SEL1L3: variants seen among roughly 807,000 people sequenced by gnomAD.
SEL1L3 encodes protein sel-1 homolog 3.
In SEL1L3, 76 loss-of-function variants were observed where a neutral mutation model predicts 142.8. That is an observed-to-expected ratio of 0.53 (90% confidence interval 0.44 to 0.64). The LOEUF (loss-of-function observed/expected upper bound fraction) is 0.64. Among genes scored for constraint, SEL1L3 ranks in the 30% least tolerant of loss-of-function variants. The pLI is 0.00. For synonymous variants in SEL1L3, 504 were observed against 519.6 expected (o/e 0.97, Z 0.41); for missense variants, 1,262 against 1,381.7 (o/e 0.91, Z 1.37).
At chr4:25,849,734 C>A (rs1716761045) in intron 1 of SEL1L3, among the ~76,000 whole-genome samples, 1 of 152,146 alleles carries the variant, frequency 6.6e-6, no homozygotes, top group South Asian at 2.1e-4. Context: ...ACTTTGGTCT[C>A]CTCTGAGGAA....
At chr4:25,730,860 C>G in the SEL1L3 span, among the ~76,000 whole-genome samples, 1 of 152,154 alleles carries the variant, frequency 6.6e-6, no homozygotes, top group Non-Finnish European at 1.5e-5. Flanking sequence ...GAAACCCCAT[C>G]TTGGCTAAAA....
the SEL1L3 span, among the ~76,000 whole-genome samples, chr4:25,730,259 G>A: frequency 6.6e-6 from 1 of 151,988 alleles, no homozygotes; most frequent in Admixed American, 6.6e-5. Context: ...TATTATGTTG[G>A]TAATGGGGTT....
At chr4:25,861,158 GC>G (rs1717682492) in intron 1 of SEL1L3, among the ~76,000 whole-genome samples, 1 of 152,184 alleles carries the variant, frequency 6.6e-6, no homozygotes, top group African/African-American at 2.4e-5. Context: ...AGCCAGCAGG[GC>G]CCTGTGTACA....
intron 12 of SEL1L3, among the ~76,000 whole-genome samples, chr4:25,789,374 G>C (rs1712110618): frequency 6.6e-6 from 1 of 152,052 alleles, no homozygotes; most frequent in African/African-American, 2.4e-5. Context: ...GAGGCCAGGA[G>C]TTCAAAACCA....
intron 1 of SEL1L3, among the ~76,000 whole-genome samples, chr4:25,856,190 T>C (rs920894590): frequency 1.3e-5 from 2 of 152,248 alleles, no homozygotes; most frequent in Non-Finnish European, 2.9e-5. Context: ...CTCGACCCTC[T>C]GCTGAATTCC....
At chr4:25,825,579 A>T (rs1715035343) in intron 6 of SEL1L3, among the ~76,000 whole-genome samples, 1 of 152,070 alleles carries the variant, frequency 6.6e-6, no homozygotes, top group African/African-American at 2.4e-5. Flanking sequence ...TGGTATGAGA[A>T]CTTAGAGCTT....
chr4:25,784,128 G>A, intron 14 of SEL1L3, 100 bp downstream of exon 14: 2 of 1,013,346 alleles, frequency 2.0e-6, no homozygotes, highest in Non-Finnish European at 3.1e-6. Flanking sequence ...CCACCTTAGG[G>A]CTTTGTAGGA....
intron 7 of SEL1L3, among the ~76,000 whole-genome samples, chr4:25,821,158 A>T (rs948246968): frequency 9.9e-5 from 15 of 152,208 alleles, no homozygotes; most frequent in African/African-American, 3.4e-4. Context: ...TGCACAAATG[A>T]CTATTTCATT....
intron 6 of SEL1L3, among the ~76,000 whole-genome samples, chr4:25,829,126 C>A (rs973175590): frequency 6.6e-6 from 1 of 152,186 alleles, no homozygotes; most frequent in East Asian, 1.9e-4. Context: ...GCATGCGCCA[C>A]CACGCTAGGC....
intron 9 of SEL1L3, among the ~76,000 whole-genome samples, chr4:25,807,694 C>T (rs1422207912): frequency 6.6e-6 from 1 of 152,068 alleles, no homozygotes; most frequent in South Asian, 2.1e-4. Context: ...AGACTCCAAA[C>T]CAAATGAAGC....
chr4:25,765,124 A>G (rs1475402246), intron 20 of SEL1L3, among the ~76,000 whole-genome samples: 1 of 152,154 alleles, frequency 6.6e-6, no homozygotes, highest in Non-Finnish European at 1.5e-5. Context: ...TCTCCCAAGT[A>G]GCTGGGACTA....
At chr4:25,745,498 C>A (rs1161030313), downstream of SEL1L3, among the ~76,000 whole-genome samples, 1 of 152,128 alleles carries the variant, frequency 6.6e-6, no homozygotes, top group East Asian at 1.9e-4. Context: ...GGATGCCCTG[C>A]CGTTCAGCAC....
At chr4:25,852,836 G>A (rs902084430) in intron 1 of SEL1L3, among the ~76,000 whole-genome samples, 1 of 152,144 alleles carries the variant, frequency 6.6e-6, no homozygotes, top group Non-Finnish European at 1.5e-5. Flanking sequence ...TTTGAGTAGG[G>A]ATAAGGGGTG....
intron 1 of SEL1L3, among the ~76,000 whole-genome samples, chr4:25,854,312 C>T (rs934684014): frequency 2.0e-5 from 3 of 152,180 alleles, no homozygotes; most frequent in African/African-American, 7.2e-5. Flanking sequence ...GAGTCTCCCT[C>T]TATCGCCCAG....
At chr4:25,797,046 G>C (rs922884930) in intron 11 of SEL1L3, among the ~76,000 whole-genome samples, 2 of 151,228 alleles carry the variant, frequency 1.3e-5, no homozygotes, top group Non-Finnish European at 3.0e-5. Context: ...ACAGGTAGTG[G>C]AGAGAGAAAG....
At chr4:25,785,542 T>G (rs1213742648) in intron 13 of SEL1L3, among the ~76,000 whole-genome samples, 2 of 152,214 alleles carry the variant, frequency 1.3e-5, no homozygotes, top group African/African-American at 4.8e-5. Context: ...TGAATCCAAC[T>G]AAAGGTTAAA....
rs751965395 is a variant in SEL1L3 at position 25,748,489 on chromosome 4, G to A, written c.3335C>T (p.Pro1112Leu). ...ATSTASPAVT[P>L]AADASDQDQP... The stretch of plus-strand genomic sequence containing the variant: ...GTCTTGGTCAGAGGCATCTGCAGCT[G>A]GAGTCACAGCTGGACTTGCAGTGGA... Residue 1112 changes from proline to leucine, a missense_variant, in exon 24 of 24, where the codon CCA (proline) becomes CTA (leucine). Pro to Leu is a moderately conservative substitution (Grantham distance 98, BLOSUM62 -3). Coordinates refer to ENST00000399878, the MANE Select transcript of SEL1L3 (RefSeq NM_015187.5). 31 of 1,611,858 alleles carry A rather than the reference G, an allele frequency of 1.9e-5. No individual in the cohort carries two copies. The highest frequency in any genetic ancestry group is 3.3e-5 in the Admixed American group (2 of 59,716).
At chr4:25,767,466 T>C in intron 19 of SEL1L3, 59 bp downstream of exon 19, 1 of 858,806 alleles carries the variant, frequency 1.2e-6, no homozygotes, top group South Asian at 1.5e-5. Context: ...AGATGTTCCC[T>C]GTTACTAAAG....
chr4:25,726,527 CAA>C, the SEL1L3 span, among the ~76,000 whole-genome samples: 40,867 of 122,762 alleles, frequency 0.33, 5,902 homozygotes, highest in Middle Eastern at 0.41. Context: ...GACTTGGTCT[CAA>C]AAAAAAAAAA....
Sources: allele counts gnomAD v4.1 joint callset (sites outside exome capture counted in the v4.1 genomes callset), GRCh38; gene constraint gnomAD v4.1.1; transcripts MANE v1.5; gene names NCBI Gene and HGNC (gene_info 2026-07-23, HGNC 2026-07-21).